Variants in SORCS2 observed in about 807,000 individuals in gnomAD.
SORCS2 encodes sortilin related VPS10 domain containing receptor 2.
SORCS2 carries 100 observed loss-of-function variants against 141.6 expected under a neutral mutation model. That is an observed-to-expected ratio of 0.71 (90% CI 0.60 to 0.83). SORCS2 has a LOEUF of 0.83. Among genes scored for constraint, SORCS2 ranks in the 40% least tolerant of loss-of-function variants. The pLI is 0.00. For synonymous variants in SORCS2, 789 were observed against 676.9 expected (o/e 1.17, Z -2.57); for missense variants, 1,646 against 1,560.2 (o/e 1.05, Z -0.93).
intron 1 of SORCS2, among the ~76,000 whole-genome samples, chr4:7,271,318 C>T (rs927238317): frequency 1.3e-5 from 2 of 152,204 alleles, no homozygotes; most frequent in Non-Finnish European, 2.9e-5. Context: ...CCTAACAATT[C>T]AGCCCCTGTT....
At chr4:7,416,955 C>T (rs1311489087) in intron 2 of SORCS2, among the ~76,000 whole-genome samples, 1 of 152,218 alleles carries the variant, frequency 6.6e-6, no homozygotes, top group Non-Finnish European at 1.5e-5. Context: ...CTCGCACACA[C>T]ACACCCACAC....
intron 8 of SORCS2, among the ~76,000 whole-genome samples, chr4:7,673,757 A>G (rs1168301898): frequency 1.3e-5 from 2 of 152,192 alleles, no homozygotes; most frequent in Non-Finnish European, 2.9e-5. Flanking sequence ...AGGAGGCACC[A>G]TGTGACTTGC....
chr4:7,740,312 C>A lies in SORCS2; in HGVS notation c.*48C>A. On this transcript the variant is annotated 3_prime_UTR_variant, in exon 27 of 27. Transcript: ENST00000507866. Reference sequence around the variant, plus strand: ...TCACCCACGGAGGGCACAGAACCACCAGCAAAGCCGGCGGCTGGACTGGCG... The same window carrying A: ...TCACCCACGGAGGGCACAGAACCACAAGCAAAGCCGGCGGCTGGACTGGCG... The A allele has an allele frequency of 6.4e-7, 1 of 1,566,114 alleles. No individual in the cohort carries two copies. The highest frequency in any genetic ancestry group is 1.7e-4 in the Middle Eastern group (1 of 5,982).
chr4:7,300,313 C>G (rs1300151105), intron 1 of SORCS2, among the ~76,000 whole-genome samples: 1 of 150,682 alleles, frequency 6.6e-6, no homozygotes, highest in Non-Finnish European at 1.5e-5. Context: ...GAAAAGCGGG[C>G]GGAGGGTGGG....
chr4:7,485,929 C>G lies in SORCS2; in HGVS notation c.549-45601C>G, dbSNP rs531840813. 6.6e-5 allele frequency among the ~76,000 whole-genome samples: 10 copies of G among 152,296 alleles called. No individual in the cohort carries two copies. The South Asian group carries it at 2.1e-3, about 32-fold the overall frequency. ...ACCATGGGGCTTCCTCTGTGCTGGC[C>G]ACAGGGAAATGCCCTAAACCCAGCG... On this transcript the variant is annotated intron_variant, in intron 2 of 26. Transcript: ENST00000507866.
At chr4:7,285,762 C>T (rs1716176566) in intron 1 of SORCS2, among the ~76,000 whole-genome samples, 1 of 152,226 alleles carries the variant, frequency 6.6e-6, no homozygotes, top group African/African-American at 2.4e-5. Flanking sequence ...CAAGGCAGAT[C>T]CCCGTTTCTT....
intron 1 of SORCS2, among the ~76,000 whole-genome samples, chr4:7,273,185 C>G (rs1715256526): frequency 6.6e-6 from 1 of 152,208 alleles, no homozygotes. Context: ...TACAAAGACA[C>G]AAAACAGACA....
At chr4:7,424,944 G>A (rs1348211940) in intron 2 of SORCS2, among the ~76,000 whole-genome samples, 1 of 152,240 alleles carries the variant, frequency 6.6e-6, no homozygotes, top group African/African-American at 2.4e-5. Context: ...TGGCATGGGT[G>A]CTGTGCCCCG....
intron 2 of SORCS2, among the ~76,000 whole-genome samples, chr4:7,438,835 A>C (rs906152422): frequency 6.6e-6 from 1 of 151,722 alleles, no homozygotes; most frequent in Non-Finnish European, 1.5e-5. Context: ...CTAGTCACCT[A>C]CCCATCTGTC....
chr4:7,498,774 A>G (rs1731784801), intron 2 of SORCS2, among the ~76,000 whole-genome samples: 1 of 152,210 alleles, frequency 6.6e-6, no homozygotes. Flanking sequence ...GCTGCCCGGG[A>G]GCTGGGAATG....
At chr4:7,341,137 A>G (rs1720345233) in intron 1 of SORCS2, among the ~76,000 whole-genome samples, 1 of 152,252 alleles carries the variant, frequency 6.6e-6, no homozygotes, top group Non-Finnish European at 1.5e-5. Flanking sequence ...CCTTGGCTGT[A>G]GGTCTGGCCC....
intron 3 of SORCS2, among the ~76,000 whole-genome samples, chr4:7,551,415 C>G (rs187890239): frequency 6.6e-6 from 1 of 152,224 alleles, no homozygotes; most frequent in African/African-American, 2.4e-5. Context: ...CAAAGTCCAG[C>G]GGGGAAGACA....
chr4:7,452,399 C>A (rs979016020), intron 2 of SORCS2, among the ~76,000 whole-genome samples: 1 of 152,240 alleles, frequency 6.6e-6, no homozygotes, highest in Non-Finnish European at 1.5e-5. Flanking sequence ...GCCTTGGCCT[C>A]CCAAAGTGCT....
In SORCS2 at chr4:7,584,335, C is replaced by G. The variant is rs544188433; in HGVS notation, c.648+52706C>G. On this transcript the variant is annotated intron_variant, in intron 3 of 26. Transcript: ENST00000507866. ...CCAGAGGCCCAGTTTCTTGACCCTA[C>G]AGTTGGGTCTGTGCCCAGTACTGGC... Among the ~76,000 whole-genome samples the G allele has an allele frequency of 9.2e-5, 14 of 152,316 alleles. No homozygotes were observed. In the East Asian group the frequency reaches 2.7e-3, roughly 29 times the overall value.
intron 1 of SORCS2, among the ~76,000 whole-genome samples, chr4:7,282,229 G>A (rs948625441): frequency 1.3e-5 from 2 of 152,148 alleles, no homozygotes; most frequent in Non-Finnish European, 2.9e-5. Context: ...TGGCCTATGG[G>A]GCCTTTGCTC....
In SORCS2 at chr4:7,638,411, G is replaced by A. The variant is rs970535977; in HGVS notation, c.732G>A (p.Gln244=). 10 of 1,599,540 alleles carry A rather than the reference G, an allele frequency of 6.3e-6. No individual in the cohort carries two copies. Among genetic ancestry groups the A allele is most frequent in the Admixed American group, 3.5e-5 (2 of 57,344 alleles). The change falls in exon 4 of 27, where the codon CAG becomes CAA. Residue 244 remains glutamine (Q), a synonymous_variant. Transcript: ENST00000507866. ...ACGAAGGCGCCACCTTTCAGAAGCA[G>A]CCCATTCCCTTCTTCGTGGAAACTC... ...SADEGATFQK[Q]PIPFFVETLI... is the part of the protein sequence containing the mutation.
chr4:7,434,062 G>A (rs1266244585), intron 2 of SORCS2: 1 of 1,611,236 alleles, frequency 6.2e-7, no homozygotes, highest in Non-Finnish European at 8.5e-7. Context: ...CTCCAGGGAG[G>A]GGACCCCGTC....
chr4:7,453,220 TG>T (rs1728602830), intron 2 of SORCS2, among the ~76,000 whole-genome samples: 1 of 86,776 alleles, frequency 1.2e-5, no homozygotes, highest in Non-Finnish European at 2.2e-5. Flanking sequence ...GGCGCTGTGT[TG>T]GGGTTAGGAG....
At chr4:7,688,222 A>G (rs1426824400) in intron 10 of SORCS2, among the ~76,000 whole-genome samples, 2 of 152,190 alleles carry the variant, frequency 1.3e-5, no homozygotes, top group Non-Finnish European at 2.9e-5. Context: ...TGATACCGCA[A>G]TGACGAGGGG....
Sources: allele counts gnomAD v4.1 joint callset (sites outside exome capture counted in the v4.1 genomes callset), GRCh38; gene constraint gnomAD v4.1.1; transcripts MANE v1.5; gene names NCBI Gene and HGNC (gene_info 2026-07-23, HGNC 2026-07-21).